The following MT1M variants were observed in gnomAD, a reference collection of about 807,000 sequenced individuals.
MT1M encodes the protein metallothionein 1M.
In MT1M, 11 loss-of-function variants were observed where a neutral mutation model predicts 8.5. That is an observed-to-expected ratio of 1.29 (90% CI 0.81 to 2.14). The LOEUF (loss-of-function observed/expected upper bound fraction) is 2.14. Ranked by LOEUF, MT1M falls within the 30% of genes most tolerant of loss-of-function variation. The probability of loss-of-function intolerance (pLI) is 0.00; values close to 1 mark genes in which losing one functional copy is unlikely to be tolerated. For missense variants in MT1M, 84 were observed against 76.6 expected (o/e 1.10, Z -0.36); for synonymous variants, 28 against 30.0 (o/e 0.93, Z 0.22).
Position 56,633,756 on chromosome 16 carries a change from T to C in MT1M, c.100T>C (p.Cys34Arg). The change falls in exon 3 of 3, where the codon TGC becomes CGC. Residue 34 changes from cysteine (C) to arginine (R), a missense_variant. Transcript: ENST00000379818. ...TCTCTCCCCTTCTTCCCCAGGCTGC[T>C]GCTCCTGCTGCCCCGTGGGCTGTGC... ...CKCTSCKKSC[C>R]SCCPVGCAKC... 1 of 1,614,186 alleles carries C rather than the reference T, an allele frequency of 6.2e-7. No homozygotes were observed. The highest frequency in any genetic ancestry group is 8.5e-7 in the Non-Finnish European group (1 of 1,180,036).
At chr16:56,633,648 G>A in intron 2 of MT1M, 103 bp from the exon 3 acceptor site, 2 of 1,601,042 alleles carry the variant, frequency 1.2e-6, no homozygotes, top group Non-Finnish European at 8.6e-7. Context: ...GACGTAAAAA[G>A]CTTCCTCTGG....
intron 2 of MT1M, 46 bp from the exon 3 acceptor site, chr16:56,633,705 T>C: frequency 6.2e-7 from 1 of 1,611,544 alleles, no homozygotes; most frequent in Non-Finnish European, 8.5e-7. Flanking sequence ...GGCAGGGCGG[T>C]GCCCGGTCAA....
Position 56,633,339 on chromosome 16 carries a change from G to T in MT1M, c.29-1G>T. ...CCACTGCGTTTTTCTCTTCCTTGCA[G>T]GTGTCTCCTGCGCCTGCACCGGCTC... On this transcript the variant is annotated splice_acceptor_variant, in intron 1 of 2. Coordinates refer to ENST00000379818, the MANE Select transcript of MT1M (RefSeq NM_176870.3). LOFTEE classifies it high-confidence loss of function. 1.2e-6 allele frequency: 2 copies of T among 1,614,226 alleles called. No individual in the cohort carries two copies. The highest frequency in any genetic ancestry group is 1.7e-6 in the Non-Finnish European group (2 of 1,180,038).
chr16:56,632,703 T>C lies in MT1M; in HGVS notation c.-29T>C, dbSNP rs754184655. ...CCTAGCAGTCGCTCCATTTATCGCT[T>C]GAGATCTCCAGCCTTACCGCGGCTC... is the stretch of plus-strand genomic sequence containing the variant. On this transcript the variant is annotated 5_prime_UTR_variant, in exon 1 of 3. Coordinates refer to ENST00000379818, the MANE Select transcript of MT1M (RefSeq NM_176870.3). 3 of 1,612,842 alleles carry C rather than the reference T, an allele frequency of 1.9e-6. No individual in the cohort carries two copies. The Admixed American group carries it at 5.0e-5, about 27-fold the overall frequency.
intron 1 of MT1M, 97 bp downstream of exon 1, chr16:56,632,856 G>C: frequency 6.7e-7 from 1 of 1,486,584 alleles, no homozygotes; most frequent in Non-Finnish European, 9.4e-7. Context: ...GTTCTGAGCG[G>C]AAGGGAATTC....
chr16:56,633,357 A>G lies in MT1M; in HGVS notation c.46A>G (p.Thr16Ala), dbSNP rs1274713883. ...CCTTGCAGGTGTCTCCTGCGCCTGC[A>G]CCGGCTCCTGCACGTGCAAAGAGTG... ...SCTTGVSCACTGSCTCKECKC... is the reference protein window; with the variant it reads ...SCTTGVSCACAGSCTCKECKC... The change falls in exon 2 of 3, where the codon ACC becomes GCC. Residue 16 changes from threonine (T) to alanine (A), a missense_variant. Thr to Ala is a moderately conservative substitution (Grantham distance 58). Coordinates refer to ENST00000379818, the MANE Select transcript of MT1M (RefSeq NM_176870.3). 1.9e-6 allele frequency: 3 copies of G among 1,614,080 alleles called. No homozygotes were observed. The highest frequency in any genetic ancestry group is 1.7e-5 in the Admixed American group (1 of 60,004).
chr16:56,632,770 C>A lies in MT1M; in HGVS notation c.28+11C>A. ...GCTCCTGCACCACTGGTAAGAGAAGCCGACCCTGCGCCCTAGGAATCCCAT... is the reference window on the plus strand; with the variant it reads ...GCTCCTGCACCACTGGTAAGAGAAGACGACCCTGCGCCCTAGGAATCCCAT... On this transcript the variant is annotated intron_variant, in intron 1 of 2. Coordinates refer to ENST00000379818, the MANE Select transcript of MT1M (RefSeq NM_176870.3). The A allele has an allele frequency of 6.2e-7, 1 of 1,613,916 alleles. No homozygotes were observed. The highest frequency in any genetic ancestry group is 1.3e-5 in the African/African-American group (1 of 75,056).
intron 2 of MT1M, 111 bp from the exon 3 acceptor site, chr16:56,633,640 C>G (rs538099112): frequency 5.0e-6 from 8 of 1,599,080 alleles, no homozygotes; most frequent in Non-Finnish European, 6.9e-6. Context: ...CTGTGCCAGA[C>G]GTAAAAAGCT....
intron 2 of MT1M, 117 bp downstream of exon 2, chr16:56,633,522 G>C: frequency 6.2e-7 from 1 of 1,603,296 alleles, no homozygotes; most frequent in South Asian, 1.1e-5. Flanking sequence ...CTCATTGCCC[G>C]TGTCATTCCC....
chr16:56,633,759 T>C lies in MT1M; in HGVS notation c.103T>C (p.Ser35Pro), dbSNP rs748678737. ...CTCCCCTTCTTCCCCAGGCTGCTGC[T>C]CCTGCTGCCCCGTGGGCTGTGCCAA... The part of the protein sequence containing the change: ...KCTSCKKSCC[S>P]CCPVGCAKCA... Residue 35 changes from serine to proline, a missense_variant, in exon 3 of 3, where the codon TCC becomes CCC. By Grantham distance (74) the Ser-to-Pro change is moderately conservative (BLOSUM62 -1). Transcript: ENST00000379818. 3.7e-6 allele frequency: 6 copies of C among 1,614,164 alleles called. No individual in the cohort carries two copies. The Admixed American group carries it at 1.0e-4, about 27-fold the overall frequency.
At position 56,633,310 on chromosome 16, in the gene MT1M, C is replaced by T. The variant is rs1470215198; in HGVS notation, c.29-30C>T. 8 of 1,614,192 alleles carry T rather than the reference C, an allele frequency of 5.0e-6. No homozygotes were observed. The Admixed American group carries it at 1.0e-4, about 20-fold the overall frequency. On this transcript the variant is annotated intron_variant, in intron 1 of 2. Transcript: ENST00000379818. ...TGCTGTACCTTCTTCATCTCACTCACTGCCCACTGCGTTTTTCTCTTCCTT... is the reference window on the plus strand; with the variant it reads ...TGCTGTACCTTCTTCATCTCACTCATTGCCCACTGCGTTTTTCTCTTCCTT...
intron 2 of MT1M, 49 bp from the exon 3 acceptor site, chr16:56,633,702 C>T (rs2270836): frequency 0.4 from 636,022 of 1,609,584 alleles, 128,362 homozygotes; most frequent in Admixed American, 0.48. Context: ...TGGGGCAGGG[C>T]GGTGCCCGGT....
Position 56,633,338 on chromosome 16 carries a change from A to C in MT1M, c.29-2A>C. 6.2e-7 allele frequency: 1 copy of C among 1,614,160 alleles called. No homozygotes were observed. Among genetic ancestry groups the C allele is most frequent in the Non-Finnish European group, 8.5e-7 (1 of 1,180,032 alleles). On this transcript the variant is annotated splice_acceptor_variant, in intron 1 of 2. Coordinates refer to ENST00000379818, the MANE Select transcript of MT1M (RefSeq NM_176870.3). LOFTEE classifies it high-confidence loss of function. Reference sequence around the variant, plus strand: ...CCCACTGCGTTTTTCTCTTCCTTGCAGGTGTCTCCTGCGCCTGCACCGGCT... The same window carrying C: ...CCCACTGCGTTTTTCTCTTCCTTGCCGGTGTCTCCTGCGCCTGCACCGGCT...
At position 56,633,779 on chromosome 16, in the gene MT1M, T is replaced by A. The variant is rs761741726; in HGVS notation, c.123T>A (p.Cys41Ter). 25 of 1,614,040 alleles carry A rather than the reference T, an allele frequency of 1.5e-5. No homozygotes were observed. Among genetic ancestry groups the A allele is most frequent in the African/African-American group, 1.3e-5 (1 of 74,908 alleles). ...KSCCSCCPVG[C>*]AKCAHGCVCK... ...GCTGCTCCTGCTGCCCCGTGGGCTG[T>A]GCCAAGTGTGCCCACGGCTGTGTCT... is the stretch of plus-strand genomic sequence containing the variant. Residue 41 changes from cysteine (C) to a stop codon, truncating the protein, a stop_gained, in exon 3 of 3, where the codon TGT becomes TGA. Transcript: ENST00000379818. LOFTEE classifies it high-confidence loss of function.
intron 2 of MT1M, 93 bp downstream of exon 2, chr16:56,633,498 G>A: frequency 1.2e-6 from 2 of 1,612,772 alleles, no homozygotes; most frequent in Non-Finnish European, 1.7e-6. Context: ...CTGGGGAACT[G>A]GGCTTTCTTT....
chr16:56,632,910 G>C, intron 1 of MT1M, 151 bp downstream of exon 1: 2 of 1,058,756 alleles, frequency 1.9e-6, no homozygotes, highest in Non-Finnish European at 2.9e-6. Flanking sequence ...CCCTCTGAGA[G>C]CACTGCCCTC....
At chr16:56,633,276 T>C (rs1160111033) in intron 1 of MT1M, 64 bp from the exon 2 acceptor site, 19 of 1,609,992 alleles carry the variant, frequency 1.2e-5, no homozygotes, top group East Asian at 2.2e-5. Flanking sequence ...TGGAGACTCA[T>C]TGACCCATTG....
In MT1M at chr16:56,633,364, C is replaced by A; in HGVS notation, c.53C>A (p.Ser18Tyr). The A allele has an allele frequency of 1.5e-5, 25 of 1,614,224 alleles. No individual in the cohort carries two copies. The highest frequency in any genetic ancestry group is 2.1e-5 in the Non-Finnish European group (25 of 1,180,040). ...TTGVSCACTGSCTCKECKCTS... is the reference protein window; with the variant it reads ...TTGVSCACTGYCTCKECKCTS... ...GGTGTCTCCTGCGCCTGCACCGGCTCCTGCACGTGCAAAGAGTGCAAATGC... is the reference window on the plus strand; with the variant it reads ...GGTGTCTCCTGCGCCTGCACCGGCTACTGCACGTGCAAAGAGTGCAAATGC... The change falls in exon 2 of 3, where the codon TCC becomes TAC. Residue 18 changes from serine to tyrosine, a missense_variant. Ser to Tyr is a moderately radical substitution (Grantham distance 144). Coordinates refer to ENST00000379818, the MANE Select transcript of MT1M (RefSeq NM_176870.3).
chr16:56,632,867 C>A, intron 1 of MT1M, 108 bp downstream of exon 1: 4 of 1,379,476 alleles, frequency 2.9e-6, no homozygotes, highest in Non-Finnish European at 4.1e-6. Flanking sequence ...AAGGGAATTC[C>A]TTTACTTCCT....
Sources: gnomAD v4.1 joint callset for allele counts on GRCh38, gnomAD v4.1.1 for gene constraint, MANE v1.5 for transcripts, NCBI Gene and HGNC (gene_info 2026-07-23, HGNC 2026-07-21) for gene names.